EYS: variants seen among roughly 807,000 people sequenced by gnomAD.
The protein encoded by EYS is protein eyes shut homolog.
In EYS, 250 loss-of-function variants were observed where a neutral mutation model predicts 282.1. The ratio of observed to expected loss-of-function variants is 0.89; its 90% confidence interval spans 0.80 to 0.98. The LOEUF (loss-of-function observed/expected upper bound fraction) is 0.98, where lower values mean the gene tolerates loss of function less well. Among genes scored for constraint, EYS ranks in the 50% least tolerant of loss-of-function variants. The pLI is 0.00. For missense variants in EYS, 4,016 were observed against 3,709.0 expected, an observed-to-expected ratio of 1.08 and a Z score of -2.15; for synonymous variants, 1,355 against 1,282.9, an observed-to-expected ratio of 1.06 and a Z score of -1.20.
chr6:64,108,178 G>A (rs1773093450), intron 31 of EYS, among the ~76,000 whole-genome samples: 1 of 152,122 alleles, frequency 6.6e-6, no homozygotes, highest in African/African-American at 2.4e-5. Flanking sequence ...TCAAAAAAGT[G>A]TGAGGACCCT....
At chr6:64,842,086 ATCTG>A (rs553603030) in intron 19 of EYS, among the ~76,000 whole-genome samples, 8 of 152,052 alleles carry the variant, frequency 5.3e-5, no homozygotes, top group Non-Finnish European at 7.4e-5. Flanking sequence ...TGTTTGCACT[ATCTG>A]TTACTCTCTA....
chr6:65,313,436 A>AG (rs1228732328), intron 11 of EYS, among the ~76,000 whole-genome samples: 5 of 151,748 alleles, frequency 3.3e-5, no homozygotes, highest in African/African-American at 1.2e-4. Flanking sequence ...GGTGTCCTTT[A>AG]GGCATCTCAG....
At chr6:64,074,414 A>T (rs967571063) in intron 32 of EYS, among the ~76,000 whole-genome samples, 7 of 151,422 alleles carry the variant, frequency 4.6e-5, no homozygotes, top group Non-Finnish European at 7.4e-5. Flanking sequence ...TTACAATTTT[A>T]GTTTGCTTAG....
chr6:65,624,586 T>C (rs1331766535), intron 2 of EYS, among the ~76,000 whole-genome samples: 1 of 152,088 alleles, frequency 6.6e-6, no homozygotes, highest in Non-Finnish European at 1.5e-5. Context: ...TTAGTGTGCA[T>C]AGGGAGAGGC....
chr6:64,377,111 A>AGATG, intron 29 of EYS, among the ~76,000 whole-genome samples: 1 of 148,906 alleles, frequency 6.7e-6, no homozygotes, highest in African/African-American at 2.6e-5. Flanking sequence ...ATAGATGGAT[A>AGATG]GATAGATAGA....
intron 2 of EYS, among the ~76,000 whole-genome samples, chr6:65,620,850 T>C (rs1480679483): frequency 3.3e-5 from 5 of 152,198 alleles, no homozygotes; most frequent in Non-Finnish European, 5.9e-5. Flanking sequence ...AGTTTCCATG[T>C]AGTTGAGCAG....
At chr6:64,421,135 T>C (rs1393298698) in intron 28 of EYS, among the ~76,000 whole-genome samples, 1 of 152,164 alleles carries the variant, frequency 6.6e-6, no homozygotes, top group African/African-American at 2.4e-5. Context: ...TAACTCACAG[T>C]TCAGCATGGC....
intron 26 of EYS, among the ~76,000 whole-genome samples, chr6:64,574,785 A>T (rs1765829305): frequency 6.6e-6 from 1 of 152,204 alleles, no homozygotes; most frequent in South Asian, 2.1e-4. Flanking sequence ...AAAATATGTA[A>T]TTTCATTTAC....
At chr6:65,694,477 A>G (rs1769365728) in intron 1 of EYS, among the ~76,000 whole-genome samples, 1 of 149,878 alleles carries the variant, frequency 6.7e-6, no homozygotes. Context: ...ATTTTTAAAA[A>G]GACAAATATT....
chr6:65,053,744 T>C (rs1246979230), intron 13 of EYS, among the ~76,000 whole-genome samples: 1 of 151,870 alleles, frequency 6.6e-6, no homozygotes, highest in East Asian at 1.9e-4. Flanking sequence ...AATGAATGAG[T>C]ATAGTCGTGT....
At chr6:63,968,653 G>A (rs564534994) in intron 35 of EYS, among the ~76,000 whole-genome samples, 1 of 152,260 alleles carries the variant, frequency 6.6e-6, no homozygotes, top group East Asian at 1.9e-4. Flanking sequence ...GGTGAAGGCA[G>A]AATATTTCAG....
At chr6:64,273,637 C>A (rs546259310) in intron 30 of EYS, among the ~76,000 whole-genome samples, 4 of 152,112 alleles carry the variant, frequency 2.6e-5, no homozygotes, top group Admixed American at 1.3e-4. Context: ...CCTTTCATTT[C>A]TTTCCTTAAA....
At chr6:64,034,057 A>T (rs1769996205) in intron 33 of EYS, among the ~76,000 whole-genome samples, 1 of 152,190 alleles carries the variant, frequency 6.6e-6, no homozygotes, top group East Asian at 1.9e-4. Flanking sequence ...TAGATTCCTA[A>T]TAGATTGTTA....
chr6:64,192,426 A>G (rs993072347), intron 31 of EYS, among the ~76,000 whole-genome samples: 6 of 152,168 alleles, frequency 3.9e-5, no homozygotes, highest in Non-Finnish European at 8.8e-5. Flanking sequence ...CCTGACTTCA[A>G]GCTATACTAC....
chr6:64,993,003 T>G (rs931714501), intron 14 of EYS, among the ~76,000 whole-genome samples: 4 of 152,144 alleles, frequency 2.6e-5, no homozygotes, highest in African/African-American at 7.2e-5. Context: ...ACATTTGGTA[T>G]GCAAGGATTG....
chr6:64,961,407 T>A (rs1562277336), intron 14 of EYS, among the ~76,000 whole-genome samples: 1 of 152,076 alleles, frequency 6.6e-6, no homozygotes, highest in East Asian at 1.9e-4. Flanking sequence ...ATCATCTAAC[T>A]GTAGTGAACA....
chr6:63,818,349 T>C (rs950157940), intron 36 of EYS, among the ~76,000 whole-genome samples: 1 of 152,228 alleles, frequency 6.6e-6, no homozygotes, highest in African/African-American at 2.4e-5. Flanking sequence ...CTGATTTTCA[T>C]AGTTAAGAAT....
chr6:63,941,400 A>G (rs1258355636), intron 35 of EYS, among the ~76,000 whole-genome samples: 1 of 152,044 alleles, frequency 6.6e-6, no homozygotes, highest in East Asian at 1.9e-4. Context: ...ATGGTATCTC[A>G]TTATGGTTTT....
At chr6:65,380,349 T>C (rs1765563435) in intron 8 of EYS, among the ~76,000 whole-genome samples, 1 of 152,044 alleles carries the variant, frequency 6.6e-6, no homozygotes, top group Non-Finnish European at 1.5e-5. Context: ...TTGACAAACA[T>C]GACAAAAACA....
Sources: allele counts gnomAD v4.1 joint callset (sites outside exome capture counted in the v4.1 genomes callset), GRCh38; gene constraint gnomAD v4.1.1; transcripts MANE v1.5; gene names NCBI Gene and HGNC (gene_info 2026-07-23, HGNC 2026-07-21).